The following MOB3B variants were observed in gnomAD, a reference collection of about 807,000 sequenced individuals.
MOB3B encodes MOB kinase activator 3B, also known as MOB kinase activator-like 2B.
MOB3B carries 7 observed loss-of-function variants against 18.7 expected under a neutral mutation model. That is an observed-to-expected ratio of 0.37 (90% CI 0.21 to 0.70). The LOEUF (loss-of-function observed/expected upper bound fraction) is 0.70. Among genes scored for constraint, MOB3B ranks in the 30% least tolerant of loss-of-function variants. The pLI, the probability that MOB3B is intolerant of heterozygous loss-of-function variation, is 0.52. For synonymous variants in MOB3B, 111 were observed against 99.9 expected, an observed-to-expected ratio of 1.11 and a Z score of -0.66; for missense variants, 253 against 281.3, an observed-to-expected ratio of 0.90 and a Z score of 0.72.
At chr9:27,426,765 A>G (rs1026712917) in intron 2 of MOB3B, among the ~76,000 whole-genome samples, 2 of 152,134 alleles carry the variant, frequency 1.3e-5, no homozygotes, top group East Asian at 1.9e-4. Flanking sequence ...GGCTTGCACT[A>G]TTTCCTTTTC....
intron 2 of MOB3B, among the ~76,000 whole-genome samples, chr9:27,411,361 C>T (rs10738772): frequency 0.58 from 88,747 of 152,022 alleles, 27,083 homozygotes; most frequent in Non-Finnish European, 0.67. Flanking sequence ...TGAATCAATG[C>T]CATCTAATTG....
At chr9:27,424,976 G>T (rs1274157335) in intron 2 of MOB3B, among the ~76,000 whole-genome samples, 3 of 152,140 alleles carry the variant, frequency 2.0e-5, no homozygotes, top group Admixed American at 6.5e-5. Flanking sequence ...AAATATGCCT[G>T]TAATCTTAGA....
intron 1 of MOB3B, among the ~76,000 whole-genome samples, chr9:27,460,390 G>C (rs558543705): frequency 7.2e-5 from 11 of 152,250 alleles, no homozygotes; most frequent in African/African-American, 2.6e-4. Context: ...GAGAGAATTC[G>C]GCTGGGCTGC....
At chr9:27,408,440 T>A (rs1299472944) in intron 2 of MOB3B, among the ~76,000 whole-genome samples, 1 of 152,200 alleles carries the variant, frequency 6.6e-6, no homozygotes, top group Admixed American at 6.5e-5. Context: ...TCTACCAACA[T>A]GTGAGCAAAG....
Position 27,474,931 on chromosome 9 carries a change from G to A in MOB3B, c.-198-19183C>T, listed in dbSNP as rs547074625. Among the ~76,000 whole-genome samples, 9 of 152,276 alleles carry A rather than the reference G, an allele frequency of 5.9e-5. No individual in the cohort carries two copies. In the East Asian group the frequency reaches 1.7e-3, roughly 29 times the overall value. On this transcript the variant is annotated intron_variant, in intron 1 of 3. Coordinates refer to ENST00000262244, the MANE Select transcript of MOB3B (RefSeq NM_024761.5). ...TGGCTCCTAGTGATCTCTGTCTCCTGGCATCCATGCTTTTGTATAATGCTC... is the reference window on the plus strand; with the variant it reads ...TGGCTCCTAGTGATCTCTGTCTCCTAGCATCCATGCTTTTGTATAATGCTC...
At chr9:27,398,569 C>A (rs938842739) in intron 2 of MOB3B, among the ~76,000 whole-genome samples, 2 of 152,100 alleles carry the variant, frequency 1.3e-5, no homozygotes, top group African/African-American at 4.8e-5. Context: ...GAATCTCAAA[C>A]CAGGATCACT....
At chr9:27,437,402 G>A (rs766552789) in intron 2 of MOB3B, among the ~76,000 whole-genome samples, 6 of 152,090 alleles carry the variant, frequency 3.9e-5, no homozygotes, top group Middle Eastern at 3.4e-3. Flanking sequence ...ATTGAATTTC[G>A]TCCTTTTTGG....
At chr9:27,387,028 T>C (rs1821658955) in intron 2 of MOB3B, among the ~76,000 whole-genome samples, 1 of 152,200 alleles carries the variant, frequency 6.6e-6, no homozygotes, top group African/African-American at 2.4e-5. Context: ...GAGTTGCTTC[T>C]GCGTACCAAA....
chr9:27,427,536 T>G (rs1268995868), intron 2 of MOB3B, among the ~76,000 whole-genome samples: 2 of 152,168 alleles, frequency 1.3e-5, no homozygotes, highest in Non-Finnish European at 2.9e-5. Context: ...CTGGGATAAG[T>G]AGGTACATAG....
At chr9:27,407,788 C>G (rs1457290731) in intron 2 of MOB3B, among the ~76,000 whole-genome samples, 1 of 152,172 alleles carries the variant, frequency 6.6e-6, no homozygotes, top group Non-Finnish European at 1.5e-5. Flanking sequence ...CCAGTGTTGT[C>G]TCTGGCAAGA....
chr9:27,486,590 C>G (rs1435477962), intron 1 of MOB3B, among the ~76,000 whole-genome samples: 2 of 152,174 alleles, frequency 1.3e-5, no homozygotes, highest in African/African-American at 4.8e-5. Context: ...TCGATTAAAA[C>G]TTTCACCTGG....
intron 1 of MOB3B, among the ~76,000 whole-genome samples, chr9:27,485,780 T>C (rs987636828): frequency 6.6e-6 from 1 of 152,246 alleles, no homozygotes; most frequent in African/African-American, 2.4e-5. Flanking sequence ...TGAGATTATA[T>C]TCCTTTTGTA....
chr9:27,357,680 C>T (rs533957204), intron 3 of MOB3B, among the ~76,000 whole-genome samples: 8 of 151,966 alleles, frequency 5.3e-5, no homozygotes, highest in African/African-American at 1.9e-4. Context: ...TGGCATGGCT[C>T]TTTCTCTTGG....
Position 27,403,749 on chromosome 9 carries a change from G to T in MOB3B, c.419-44513C>A, listed in dbSNP as rs1027481338. ...CCGCCTCGGCCTCCCAAAGTGCTGGGATTACAGGTGTGAGCCATTATGCCT... is the reference window on the plus strand; with the variant it reads ...CCGCCTCGGCCTCCCAAAGTGCTGGTATTACAGGTGTGAGCCATTATGCCT... On this transcript the variant is annotated intron_variant, in intron 2 of 3. Coordinates refer to ENST00000262244, the MANE Select transcript of MOB3B (RefSeq NM_024761.5). 3.9e-5 allele frequency among the ~76,000 whole-genome samples: 6 copies of T among 151,910 alleles called. No homozygotes were observed. In the South Asian group the frequency reaches 6.3e-4, roughly 16 times the overall value.
intron 2 of MOB3B, among the ~76,000 whole-genome samples, chr9:27,440,730 A>ATT (rs34038356): frequency 1.3e-5 from 2 of 150,988 alleles, no homozygotes; most frequent in South Asian, 4.2e-4. Flanking sequence ...CAGAAGATTC[A>ATT]TTTTTTTTTT....
At chr9:27,415,712 A>C (rs571949570) in intron 2 of MOB3B, among the ~76,000 whole-genome samples, 63 of 152,306 alleles carry the variant, frequency 4.1e-4, no homozygotes, top group African/African-American at 1.4e-3. Context: ...CCAAATGGAA[A>C]AGGTCCTAGC....
chr9:27,495,468 A>G (rs557058526), intron 1 of MOB3B, among the ~76,000 whole-genome samples: 2 of 152,172 alleles, frequency 1.3e-5, no homozygotes, highest in African/African-American at 2.4e-5. Flanking sequence ...CATTTCCACC[A>G]TAGCTCGTGC....
chr9:27,510,194 C>A (rs534749175), intron 1 of MOB3B, among the ~76,000 whole-genome samples: 1 of 152,226 alleles, frequency 6.6e-6, no homozygotes, highest in African/African-American at 2.4e-5. Context: ...GGGAAGACAA[C>A]AAAAATAAAG....
At chr9:27,411,956 G>A (rs1822073389) in intron 2 of MOB3B, among the ~76,000 whole-genome samples, 1 of 152,114 alleles carries the variant, frequency 6.6e-6, no homozygotes, top group Admixed American at 6.5e-5. Flanking sequence ...TGTACTATCT[G>A]CTCCATTTTC....
Sources: allele counts gnomAD v4.1 joint callset (sites outside exome capture counted in the v4.1 genomes callset), GRCh38; gene constraint gnomAD v4.1.1; transcripts MANE v1.5; gene names NCBI Gene and HGNC (gene_info 2026-07-23, HGNC 2026-07-21).